OVGP1: variants seen among roughly 807,000 people sequenced by gnomAD.
OVGP1 encodes oviduct-specific glycoprotein.
OVGP1 carries 26 observed loss-of-function variants against 48.2 expected under a neutral mutation model. The ratio of observed to expected loss-of-function variants is 0.54; its 90% CI spans 0.40 to 0.75. The LOEUF is 0.75. OVGP1 is among the 30% of genes least tolerant of loss of function. The probability of loss-of-function intolerance (pLI) is 0.00; values close to 1 mark genes in which losing one functional copy is unlikely to be tolerated. For synonymous variants in OVGP1, 294 were observed against 305.7 expected, an observed-to-expected ratio of 0.96 and a Z score of 0.40; for missense variants, 791 against 820.6, an observed-to-expected ratio of 0.96 and a Z score of 0.44.
At chr1:111,418,281 C>T (rs1652181653) in intron 9 of OVGP1, among the ~76,000 whole-genome samples, 1 of 152,182 alleles carries the variant, frequency 6.6e-6, no homozygotes. Flanking sequence ...AGGGATCAAT[C>T]CCCTCTCTGA....
chr1:111,425,320 T>C (rs1652371104), intron 4 of OVGP1, 63 bp downstream of exon 4: 2 of 1,601,024 alleles, frequency 1.2e-6, no homozygotes, highest in Admixed American at 1.7e-5. Flanking sequence ...TCCCCCTCTG[T>C]CTTCACGTCT....
intron 9 of OVGP1, among the ~76,000 whole-genome samples, chr1:111,417,837 GAGA>G (rs1479435548): frequency 6.6e-6 from 1 of 152,194 alleles, no homozygotes; most frequent in Non-Finnish European, 1.5e-5. Flanking sequence ...CTGCGCTACA[GAGA>G]AGAACTCTGA....
At chr1:111,421,756 T>A in intron 6 of OVGP1, 83 bp from the exon 7 acceptor site, 1 of 835,814 alleles carries the variant, frequency 1.2e-6, no homozygotes, top group Non-Finnish European at 2.0e-6. Context: ...TCTAGCTAAC[T>A]AGCTAGACAT....
intron 2 of OVGP1, 40 bp downstream of exon 2, chr1:111,427,022 A>G (rs1386039035): frequency 1.2e-6 from 2 of 1,612,918 alleles, no homozygotes; most frequent in African/African-American, 2.7e-5. Context: ...TCAGCCAGAG[A>G]CTCTCCCTGG....
Position 111,414,384 on chromosome 1 carries a change from G to A in OVGP1, c.*80C>T. 1 of 1,302,110 alleles carries A rather than the reference G, an allele frequency of 7.7e-7. No individual in the cohort carries two copies. Among genetic ancestry groups the A allele is most frequent in the Non-Finnish European group, 1.1e-6 (1 of 947,816 alleles). The allele number at this position is 1,302,110 out of a possible 1,614,324, so 80.7% of individuals were successfully genotyped here. The stretch of plus-strand genomic sequence containing the variant: ...CTATTCTGGTTTTGATGCCTGCTTT[G>A]CCCCGGGATGAGAAGGCTTCCAACA... On this transcript the variant is annotated 3_prime_UTR_variant, in exon 11 of 11. Transcript: ENST00000369732.
intron 9 of OVGP1, among the ~76,000 whole-genome samples, chr1:111,418,924 T>C (rs745814460): frequency 4.6e-5 from 7 of 152,216 alleles, no homozygotes; most frequent in Non-Finnish European, 8.8e-5. Context: ...TAGTTCACTA[T>C]AAAAACCTGC....
At chr1:111,424,305 T>C (rs1652346585) in intron 4 of OVGP1, among the ~76,000 whole-genome samples, 1 of 152,226 alleles carries the variant, frequency 6.6e-6, no homozygotes, top group Admixed American at 6.5e-5. Flanking sequence ...TTTTCTATTT[T>C]ACTTGTTTTC....
chr1:111,421,542 C>A (rs1285149676), intron 7 of OVGP1, 23 bp downstream of exon 7: 1 of 1,608,236 alleles, frequency 6.2e-7, no homozygotes, highest in South Asian at 1.1e-5. Flanking sequence ...GTCTGGACCA[C>A]CTGAGATCTT....
rs538765197 is a variant in OVGP1, at chr1:111,416,533, A to G, written c.1021-75T>C. 18 of 1,357,980 alleles carry G rather than the reference A, an allele frequency of 1.3e-5. No individual in the cohort carries two copies. The South Asian group carries it at 2.4e-4, about 18-fold the overall frequency. The allele number at this position is 1,357,980 out of a possible 1,614,324, so 84.1% of individuals were successfully genotyped here. ...TGGGTACAATGGCAAAAAACTGAAG[A>G]TAGTCCCTCAGGAAGCAATGTAGCT... is the stretch of plus-strand genomic sequence containing the variant. On this transcript the variant is annotated intron_variant, in intron 9 of 10. Transcript: ENST00000369732.
intron 8 of OVGP1, among the ~76,000 whole-genome samples, chr1:111,420,908 C>A (rs1652251341): frequency 6.6e-6 from 1 of 152,062 alleles, no homozygotes; most frequent in African/African-American, 2.4e-5. Context: ...GGGGGAGGTA[C>A]AGAGGCTATA....
intron 6 of OVGP1, among the ~76,000 whole-genome samples, chr1:111,422,258 C>G (rs1179156740): frequency 6.6e-6 from 1 of 152,194 alleles, no homozygotes; most frequent in Non-Finnish European, 1.5e-5. Context: ...AAGATCAACA[C>G]TAACACACTC....
In OVGP1 at chr1:111,414,954, G is replaced by A; in HGVS notation, c.1547C>T (p.Ser516Phe). ...QKTLTSVGYQ[S>F]VTPGEKTLTP... is the part of the protein sequence containing the mutation. ...CAGGGTCTTTTCCCCAGGGGTCACA[G>A]ACTGATAACCCACAGAGGTCAGGGT... Residue 516 changes from serine to phenylalanine, a missense_variant, in exon 11 of 11, where the codon TCT becomes TTT. By Grantham distance (155) the Ser-to-Phe change is radical. Coordinates refer to ENST00000369732, the MANE Select transcript of OVGP1 (RefSeq NM_002557.4). The A allele has an allele frequency of 1.2e-6, 1 of 807,450 alleles. No individual in the cohort carries two copies. 50.0% of individuals were successfully genotyped at this position (807,450 alleles called of 1,614,324 possible).
chr1:111,424,120 C>A (rs2101728188), intron 4 of OVGP1, among the ~76,000 whole-genome samples: 1 of 152,288 alleles, frequency 6.6e-6, no homozygotes, highest in East Asian at 1.9e-4. Flanking sequence ...CCTGTCCTAG[C>A]ACTGACATTT....
Position 111,426,543 on chromosome 1 carries a change from T to C in OVGP1, c.154A>G (p.Thr52Ala), listed in dbSNP as rs1384023886. Residue 52 changes from threonine (T) to alanine (A), a missense_variant, in exon 3 of 11, where the codon ACC (threonine) becomes GCC (alanine). Physicochemically the swap from Thr to Ala is moderately conservative, Grantham distance 58. Transcript: ENST00000369732. ...LPHDLDPFLC[T>A]HLIFAFASMN... ...GAGGCAAAGGCAAATATCAGGTGGG[T>C]GCAGAGAAAGGGGTCCAGGTCATGG... 6.2e-7 allele frequency: 1 copy of C among 1,614,036 alleles called. No individual in the cohort carries two copies.
At chr1:111,417,361 T>C (rs4838910) in intron 9 of OVGP1, among the ~76,000 whole-genome samples, 66,190 of 152,122 alleles carry the variant, frequency 0.44, 15,257 homozygotes, top group African/African-American at 0.59. Context: ...TACAACTAAA[T>C]GGCAGAGCTT....
chr1:111,422,861 G>A, intron 6 of OVGP1, 66 bp downstream of exon 6: 1 of 1,580,608 alleles, frequency 6.3e-7, no homozygotes, highest in Non-Finnish European at 8.7e-7. Context: ...GGAAGCTCTG[G>A]GGTTCTGAGC....
rs994715296 is a variant in OVGP1 at position 111,414,671 on chromosome 1, C to A, written c.1830G>T (p.Leu610Phe). The A allele has an allele frequency of 6.2e-7, 1 of 1,614,032 alleles. No individual in the cohort carries two copies. The highest frequency in any genetic ancestry group is 8.5e-7 in the Non-Finnish European group (1 of 1,180,018). ...TGTTTTCAGCTTCCATCTGAAGACC[C>A]AAGTTACCCATCCTGGGGTGAGTGC... ...EVGTHPRMGN[L>F]GLQMEAENRM... Residue 610 changes from leucine (L) to phenylalanine (F), a missense_variant, in exon 11 of 11, where the codon TTG becomes TTT. Coordinates refer to ENST00000369732, the MANE Select transcript of OVGP1 (RefSeq NM_002557.4).
At chr1:111,422,896 G>A (rs1464252488) in intron 6 of OVGP1, 31 bp downstream of exon 6, 3 of 1,612,998 alleles carry the variant, frequency 1.9e-6, no homozygotes, top group South Asian at 1.1e-5. Context: ...TCCCACCAAT[G>A]TCCTGCCCCA....
intron 8 of OVGP1, among the ~76,000 whole-genome samples, chr1:111,420,784 T>G (rs1254409205): frequency 6.6e-6 from 1 of 152,094 alleles, no homozygotes; most frequent in Admixed American, 6.5e-5. Flanking sequence ...CTGTAGTAGA[T>G]AATGTCTTGG....
Sources: gnomAD v4.1 joint callset for allele counts (sites outside exome capture counted in the v4.1 genomes callset) on GRCh38, gnomAD v4.1.1 for gene constraint, MANE v1.5 for transcripts, NCBI Gene and HGNC (gene_info 2026-07-23, HGNC 2026-07-21) for gene names.